Variants in EXT2 observed in about 807,000 individuals in gnomAD.
The protein encoded by EXT2 is exostosin-2.
In EXT2, 53 loss-of-function variants were observed where a neutral mutation model predicts 81.6. The ratio of observed to expected loss-of-function variants is 0.65; its 90% CI spans 0.52 to 0.82. EXT2 has a LOEUF of 0.82. Among genes scored for constraint, EXT2 ranks in the 40% least tolerant of loss-of-function variants. The probability of loss-of-function intolerance (pLI) is 0.00; values close to 1 mark genes in which losing one functional copy is unlikely to be tolerated. For synonymous variants in EXT2, 320 were observed against 340.0 expected (o/e 0.94, Z 0.65); for missense variants, 774 against 910.2 (o/e 0.85, Z 1.93).
chr11:44,123,671 C>T (rs1954351633), intron 4 of EXT2, among the ~76,000 whole-genome samples: 1 of 152,206 alleles, frequency 6.6e-6, no homozygotes, highest in Non-Finnish European at 1.5e-5. Context: ...TTCTTTTGAG[C>T]ATCATGTTGG....
chr11:44,111,242 C>G (rs954182501), intron 3 of EXT2, among the ~76,000 whole-genome samples: 1 of 151,862 alleles, frequency 6.6e-6, no homozygotes, highest in Non-Finnish European at 1.5e-5. Context: ...GTTTTTATTT[C>G]TCTTTCAATT....
intron 13 of EXT2, among the ~76,000 whole-genome samples, chr11:44,239,913 C>G (rs1230854515): frequency 6.6e-6 from 1 of 152,060 alleles, no homozygotes; most frequent in Non-Finnish European, 1.5e-5. Flanking sequence ...ATGCGCAAGT[C>G]CATTATATAA....
intron 9 of EXT2, among the ~76,000 whole-genome samples, chr11:44,205,910 A>G (rs1955577040): frequency 6.6e-6 from 1 of 152,240 alleles, no homozygotes; most frequent in Non-Finnish European, 1.5e-5. Context: ...TACTGTACCA[A>G]AGAAGTATGA....
In EXT2 at chr11:44,183,583, A is replaced by G. The variant is rs544167719; in HGVS notation, c.1305+11841A>G. Among the ~76,000 whole-genome samples the G allele has an allele frequency of 3.0e-4, 46 of 151,924 alleles. 1 individual carries two copies. The highest frequency in any genetic ancestry group is 2.5e-3 in the South Asian group (12 of 4,804). ...CTATTAAATCTTTGTTAGGCCTTTT[A>G]TTCTGTCCTTACCTTATGTCTCTCA... On this transcript the variant is annotated intron_variant, in intron 8 of 13. Transcript: ENST00000533608.
At chr11:44,161,901 C>T (rs1279032462) in intron 7 of EXT2, among the ~76,000 whole-genome samples, 3 of 152,120 alleles carry the variant, frequency 2.0e-5, no homozygotes, top group African/African-American at 4.8e-5. Context: ...AATTGAGGGA[C>T]ATTCTATATG....
intron 4 of EXT2, among the ~76,000 whole-genome samples, chr11:44,124,158 G>A (rs993625601): frequency 3.3e-5 from 5 of 152,146 alleles, no homozygotes; most frequent in South Asian, 2.1e-4. Flanking sequence ...GATGAAGATC[G>A]TTTTTTCTAC....
chr11:44,157,959 C>T (rs1332391643), intron 7 of EXT2, among the ~76,000 whole-genome samples: 6 of 152,166 alleles, frequency 3.9e-5, no homozygotes, highest in East Asian at 1.9e-4. Flanking sequence ...AGCACTGGGC[C>T]CTTCTCTTCA....
chr11:44,163,230 T>C (rs948210461), intron 7 of EXT2, among the ~76,000 whole-genome samples: 1 of 152,256 alleles, frequency 6.6e-6, no homozygotes, highest in Non-Finnish European at 1.5e-5. Context: ...GTAACTCTTA[T>C]ATTTATGAAA....
chr11:44,124,889 G>A lies in EXT2; in HGVS notation c.844G>A (p.Val282Ile), dbSNP rs200144080. 7 of 1,614,126 alleles carry A rather than the reference G, an allele frequency of 4.3e-6. No individual in the cohort carries two copies. Among genetic ancestry groups the A allele is most frequent in the Middle Eastern group, 3.3e-4 (2 of 6,060 alleles). ...LQVKHGESVL[V>I]LDKCTNLSEG... ...GGTCAAACATGGAGAGTCAGTGTTA[G>A]TACTCGATAAATGCACCAACCTCTC... is the stretch of plus-strand genomic sequence containing the variant. Residue 282 changes from valine (V) to isoleucine (I), a missense_variant, in exon 5 of 14, where the codon GTA (valine) becomes ATA (isoleucine). This residue lies in a region of EXT2 where 626 missense variants were observed against 670.5 expected (regional missense o/e 0.93). Coordinates refer to ENST00000533608, the MANE Select transcript of EXT2 (RefSeq NM_207122.2).
intron 4 of EXT2, chr11:44,116,747 T>A (rs1954225957): frequency 6.6e-6 from 1 of 152,230 alleles, no homozygotes; most frequent in African/African-American, 2.4e-5. Context: ...GGTTTGCATT[T>A]CCCCACTGAC....
intron 8 of EXT2, among the ~76,000 whole-genome samples, chr11:44,182,739 A>C (rs953941178): frequency 6.6e-6 from 1 of 152,202 alleles, no homozygotes; most frequent in Non-Finnish European, 1.5e-5. Context: ...TCTTATACAA[A>C]ATCACAATAA....
intron 7 of EXT2, among the ~76,000 whole-genome samples, chr11:44,133,313 A>C (rs1359064682): frequency 1.3e-5 from 2 of 152,216 alleles, no homozygotes; most frequent in Non-Finnish European, 2.9e-5. Flanking sequence ...GATTCTGAAA[A>C]GTTCTTATAC....
At chr11:44,165,045 A>AT (rs1954976356) in intron 7 of EXT2, among the ~76,000 whole-genome samples, 1 of 151,412 alleles carries the variant, frequency 6.6e-6, no homozygotes, top group Admixed American at 6.6e-5. Context: ...CGCCCGGCTA[A>AT]TTTTTTGTAT....
chr11:44,185,869 C>A (rs1022055336), intron 8 of EXT2, among the ~76,000 whole-genome samples: 5 of 152,190 alleles, frequency 3.3e-5, no homozygotes, highest in African/African-American at 1.2e-4. Flanking sequence ...ATGCCCAGAT[C>A]AGAGAATGAG....
At chr11:44,207,077 C>T (rs1294113637) in intron 10 of EXT2, 118 bp downstream of exon 10, 9 of 1,161,322 alleles carry the variant, frequency 7.7e-6, no homozygotes, top group Non-Finnish European at 1.1e-5. Flanking sequence ...TAAAATCTTC[C>T]AGTAGAGTCC....
intron 8 of EXT2, among the ~76,000 whole-genome samples, chr11:44,187,607 T>C (rs552731829): frequency 2.6e-5 from 4 of 152,318 alleles, no homozygotes; most frequent in East Asian, 1.9e-4. Flanking sequence ...ATAAGGTTGA[T>C]AGTATAATGC....
intron 8 of EXT2, among the ~76,000 whole-genome samples, chr11:44,177,619 T>C (rs1955176819): frequency 6.6e-6 from 1 of 152,242 alleles, no homozygotes; most frequent in African/African-American, 2.4e-5. Context: ...CTGAAAATTA[T>C]GTAGAGTGGA....
chr11:44,211,896 A>C (rs1955652441), intron 10 of EXT2, among the ~76,000 whole-genome samples: 1 of 152,210 alleles, frequency 6.6e-6, no homozygotes, highest in African/African-American at 2.4e-5. Flanking sequence ...ATTACTTGTC[A>C]ATAAGAATAA....
intron 9 of EXT2, among the ~76,000 whole-genome samples, chr11:44,205,470 C>T (rs775564698): frequency 6.6e-5 from 10 of 152,190 alleles, no homozygotes; most frequent in Admixed American, 1.3e-4. Context: ...TCTTTGGTCA[C>T]GGATTCAGCC....
Sources: gnomAD v4.1 joint callset for allele counts (sites outside exome capture counted in the v4.1 genomes callset) on GRCh38, gnomAD v4.1.1 for gene constraint, gnomAD v4.1.1 regional missense constraint, MANE v1.5 for transcripts, NCBI Gene and HGNC (gene_info 2026-07-23, HGNC 2026-07-21) for gene names.